MACROD2: variants seen among roughly 807,000 people sequenced by gnomAD.
MACROD2 encodes mono-ADP ribosylhydrolase 2.
In MACROD2, 36 loss-of-function variants were observed where a neutral mutation model predicts 70.4. The observed-to-expected ratio is 0.51, with a 90% CI of 0.39 to 0.68. The LOEUF (loss-of-function observed/expected upper bound fraction) is 0.68. Among genes scored for constraint, MACROD2 ranks in the 30% least tolerant of loss-of-function variants. The probability of loss-of-function intolerance (pLI) is 0.00; values close to 1 mark genes in which losing one functional copy is unlikely to be tolerated. For missense variants in MACROD2, 496 were observed against 538.4 expected (o/e 0.92, Z 0.78); for synonymous variants, 172 against 178.8 (o/e 0.96, Z 0.30).
chr20:14,485,489 C>T (rs979405937), intron 3 of MACROD2, among the ~76,000 whole-genome samples: 5 of 151,970 alleles, frequency 3.3e-5, no homozygotes, highest in South Asian at 2.1e-4. Context: ...ATCACGAGGT[C>T]GGGAAATCAG....
chr20:14,470,200 C>T (rs1051261174), intron 3 of MACROD2, among the ~76,000 whole-genome samples: 6 of 152,126 alleles, frequency 3.9e-5, no homozygotes, highest in Admixed American at 1.3e-4. Context: ...TGCACGTCTG[C>T]TGGGGTTTGC....
At chr20:14,933,449 G>A (rs1444386445) in intron 5 of MACROD2, among the ~76,000 whole-genome samples, 2 of 152,042 alleles carry the variant, frequency 1.3e-5, no homozygotes, top group Non-Finnish European at 2.9e-5. Context: ...GGAAGCCAAG[G>A]TGGGTAGATC....
At chr20:14,343,859 G>T (rs1403179154) in intron 3 of MACROD2, among the ~76,000 whole-genome samples, 1 of 152,202 alleles carries the variant, frequency 6.6e-6, no homozygotes, top group Admixed American at 6.5e-5. Context: ...TGAAGCACGT[G>T]ATTTTCTCTG....
At chr20:15,914,429 G>T (rs188528441) in intron 10 of MACROD2, among the ~76,000 whole-genome samples, 2 of 152,152 alleles carry the variant, frequency 1.3e-5, no homozygotes, top group East Asian at 1.9e-4. Flanking sequence ...TTTAAACCTC[G>T]CATGATCAGT....
intron 5 of MACROD2, among the ~76,000 whole-genome samples, chr20:15,034,841 G>A (rs553229628): frequency 2.0e-4 from 30 of 152,176 alleles, no homozygotes; most frequent in Admixed American, 9.8e-4. Flanking sequence ...ATGCTCTGTC[G>A]TCAATCTACT....
At chr20:14,604,239 C>G (rs1982663192) in intron 4 of MACROD2, among the ~76,000 whole-genome samples, 1 of 152,210 alleles carries the variant, frequency 6.6e-6, no homozygotes, top group Non-Finnish European at 1.5e-5. Flanking sequence ...CCAAAGGAAC[C>G]ATTCTGCCTT....
At chr20:14,684,511 T>C (rs984669251) in intron 4 of MACROD2, among the ~76,000 whole-genome samples, 2 of 152,086 alleles carry the variant, frequency 1.3e-5, no homozygotes, top group African/African-American at 4.8e-5. Context: ...TAGCTTAAAA[T>C]TGGATATGGG....
At chr20:14,995,860 A>G (rs1014984812) in intron 5 of MACROD2, among the ~76,000 whole-genome samples, 7 of 152,210 alleles carry the variant, frequency 4.6e-5, no homozygotes, top group Admixed American at 2.0e-4. Flanking sequence ...AAATGCATGT[A>G]TAAGAAACTA....
chr20:14,572,544 AAATG>A (rs1244543498), intron 4 of MACROD2, among the ~76,000 whole-genome samples: 2 of 152,198 alleles, frequency 1.3e-5, no homozygotes, highest in Admixed American at 1.3e-4. Context: ...AATTGAATGA[AAATG>A]AATAGTCTCT....
intron 5 of MACROD2, among the ~76,000 whole-genome samples, chr20:14,789,460 A>ATTCTTTTTTTT (rs1555830595): frequency 6.2e-5 from 3 of 48,324 alleles, no homozygotes; most frequent in African/African-American, 2.6e-4. Flanking sequence ...GGTAGTGCAA[A>ATTCTTTTTTTT]TTTTTTTTTT....
intron 7 of MACROD2, among the ~76,000 whole-genome samples, chr20:15,469,582 G>A (rs936979566): frequency 6.6e-6 from 1 of 152,128 alleles, no homozygotes; most frequent in African/African-American, 2.4e-5. Flanking sequence ...CAGAGGAGGG[G>A]GAGAGAAATC....
intron 8 of MACROD2, among the ~76,000 whole-genome samples, chr20:15,841,598 T>A (rs6079985): frequency 0.87 from 131,540 of 152,002 alleles, 57,196 homozygotes; most frequent in East Asian, 0.99. Context: ...GAGAACAGTA[T>A]TTACGGGATG....
intron 6 of MACROD2, among the ~76,000 whole-genome samples, chr20:15,415,124 T>C (rs907590058): frequency 2.6e-5 from 4 of 152,228 alleles, no homozygotes; most frequent in African/African-American, 9.6e-5. Flanking sequence ...GAGTTAGATA[T>C]GTGTTCTTCT....
rs1015693829 is a variant in MACROD2, at chr20:15,962,373, T to A, written c.908-5180T>A. 2.6e-5 allele frequency among the ~76,000 whole-genome samples: 4 copies of A among 152,214 alleles called. No homozygotes were observed. In the South Asian group the frequency reaches 6.2e-4, roughly 24 times the overall value. ...TTCCTAGGTGCAGAAACTGAGATTA[T>A]GTAAAGTGCCTGAATTTCCCTAGAG... is the stretch of plus-strand genomic sequence containing the variant. On this transcript the variant is annotated intron_variant, in intron 12 of 17. Transcript: ENST00000684519.
intron 8 of MACROD2, among the ~76,000 whole-genome samples, chr20:15,504,317 A>T (rs997182900): frequency 6.6e-6 from 1 of 152,186 alleles, no homozygotes; most frequent in Non-Finnish European, 1.5e-5. Flanking sequence ...CACACAGCAC[A>T]GTGGCTCAAA....
chr20:14,161,191 CTT>C (rs376789442), intron 3 of MACROD2, among the ~76,000 whole-genome samples: 20 of 136,864 alleles, frequency 1.5e-4, no homozygotes, highest in Admixed American at 2.2e-4. Context: ...TTTTCTTTTT[CTT>C]TTTTTTTTTT....
chr20:15,103,933 G>A (rs1232391719), intron 5 of MACROD2, among the ~76,000 whole-genome samples: 1 of 152,056 alleles, frequency 6.6e-6, no homozygotes. Context: ...TGGGGCAAAG[G>A]GAGAGAAATA....
intron 7 of MACROD2, among the ~76,000 whole-genome samples, chr20:15,448,361 A>C (rs2146388482): frequency 6.6e-6 from 1 of 152,208 alleles, no homozygotes; most frequent in Non-Finnish European, 1.5e-5. Context: ...AGGCCCCTGG[A>C]GGGATGCTTG....
chr20:14,887,651 G>A (rs1305280697), intron 5 of MACROD2, among the ~76,000 whole-genome samples: 1 of 152,020 alleles, frequency 6.6e-6, no homozygotes, highest in Admixed American at 6.6e-5. Flanking sequence ...GCCTCCCAGA[G>A]TGCTGAGATT....
Sources: allele counts gnomAD v4.1 joint callset (sites outside exome capture counted in the v4.1 genomes callset), GRCh38; gene constraint gnomAD v4.1.1; transcripts MANE v1.5; gene names NCBI Gene and HGNC (gene_info 2026-07-23, HGNC 2026-07-21).